GYPB: variants seen among roughly 807,000 people sequenced by gnomAD.
The protein encoded by GYPB is glycophorin B (MNS blood group), also known as glycophorin-B.
GYPB carries 13 observed loss-of-function variants against 15.3 expected under a neutral mutation model. The ratio of observed to expected loss-of-function variants is 0.85; its 90% CI spans 0.55 to 1.35. GYPB has a LOEUF of 1.35. Among genes scored for constraint, GYPB ranks in the 40% most tolerant of loss-of-function variants. GYPB has a pLI of 0.00. For missense variants in GYPB, 131 were observed against 108.3 expected (o/e 1.21, Z -0.93); for synonymous variants, 38 against 36.9 (o/e 1.03, Z -0.11).
At chr4:143,997,265 T>C (rs1727372381) in intron 4 of GYPB, 1 of 296,376 alleles carries the variant, frequency 3.4e-6, no homozygotes, top group Non-Finnish European at 6.4e-6. Flanking sequence ...TCAATATCCA[T>C]CAAAATATGT....
intron 1 of GYPB, among the ~76,000 whole-genome samples, chr4:144,013,555 G>C: frequency 6.6e-6 from 1 of 151,212 alleles, no homozygotes; most frequent in East Asian, 1.9e-4. Context: ...TTAAGAAAAT[G>C]TGGCACATTT....
chr4:143,996,505 C>T (rs1389950566), intron 4 of GYPB, among the ~76,000 whole-genome samples: 1 of 151,174 alleles, frequency 6.6e-6, no homozygotes, highest in African/African-American at 2.5e-5. Flanking sequence ...GTGGCTCACA[C>T]CTGTAATCCC....
intron 1 of GYPB, among the ~76,000 whole-genome samples, chr4:144,017,549 A>G (rs1160530103): frequency 1.3e-5 from 2 of 150,972 alleles, no homozygotes; most frequent in Admixed American, 6.6e-5. Context: ...ATCTTGCCCC[A>G]GTGACCTCTT....
At chr4:144,003,123 G>C (rs868806352) in intron 1 of GYPB, among the ~76,000 whole-genome samples, 1 of 151,394 alleles carries the variant, frequency 6.6e-6, no homozygotes, top group Admixed American at 6.6e-5. Flanking sequence ...ACATTTTTAT[G>C]AGTCAATTAA....
chr4:144,008,175 A>G (rs1373190593), intron 1 of GYPB, among the ~76,000 whole-genome samples: 2 of 151,556 alleles, frequency 1.3e-5, no homozygotes, highest in Non-Finnish European at 2.9e-5. Flanking sequence ...CACAGCCGCC[A>G]AGTGGCAGAA....
chr4:144,000,469 T>G (rs1317786699), intron 2 of GYPB: 1 of 1,056,342 alleles, frequency 9.5e-7, no homozygotes, highest in East Asian at 6.2e-5. Context: ...GTCCCGTTTG[T>G]GCTTATCTGC....
chr4:144,000,382 A>G, intron 2 of GYPB: 1 of 938,294 alleles, frequency 1.1e-6, no homozygotes, highest in East Asian at 7.0e-5. Flanking sequence ...TAAGAACATA[A>G]CGTTTTTCTT....
At chr4:144,007,269 G>C (rs1727969094) in intron 1 of GYPB, among the ~76,000 whole-genome samples, 1 of 151,674 alleles carries the variant, frequency 6.6e-6, no homozygotes, top group South Asian at 2.1e-4. Context: ...CTGGAGAAAA[G>C]CGTGGCCTAT....
intron 1 of GYPB, among the ~76,000 whole-genome samples, chr4:144,008,780 T>C (rs1449716306): frequency 6.6e-6 from 1 of 151,448 alleles, no homozygotes; most frequent in Non-Finnish European, 1.5e-5. Context: ...CAATACAAAA[T>C]TGCAGAAATG....
chr4:144,006,816 G>C (rs1727941963), intron 1 of GYPB, among the ~76,000 whole-genome samples: 1 of 151,674 alleles, frequency 6.6e-6, no homozygotes, highest in Non-Finnish European at 1.5e-5. Flanking sequence ...AAATGCATCT[G>C]TGGAAGTTAT....
At chr4:144,016,515 C>T (rs1360033425) in intron 1 of GYPB, among the ~76,000 whole-genome samples, 1 of 150,640 alleles carries the variant, frequency 6.6e-6, no homozygotes, top group Non-Finnish European at 1.5e-5. Flanking sequence ...ACTATAAATA[C>T]CAATCGGGAA....
Position 143,996,304 on chromosome 4 carries a change from C to A in GYPB, c.271G>T (p.Ala91Ser). ...GCAGCATGCAGGCCACATCCTCATG[C>A]CTGTGATAAAAAGACAAGAAGTTTC... is the stretch of plus-strand genomic sequence containing the variant. ...ISYSIRRLIK[A>S] Residue 91 changes from alanine to serine, a missense_variant and splice_region_variant, in exon 5 of 5, where the codon GCA becomes TCA. Coordinates refer to ENST00000502664, the MANE Select transcript of GYPB (RefSeq NM_002100.6). 6.4e-7 allele frequency: 1 copy of A among 1,550,824 alleles called. No homozygotes were observed. The highest frequency in any genetic ancestry group is 1.7e-4 in the Middle Eastern group (1 of 5,984).
intron 1 of GYPB, among the ~76,000 whole-genome samples, chr4:144,004,297 G>T (rs1369218408): frequency 6.6e-6 from 1 of 151,820 alleles, no homozygotes; most frequent in Non-Finnish European, 1.5e-5. Context: ...CCTATAAAAT[G>T]ATCTTTTTCA....
intron 1 of GYPB, 121 bp from the exon 2 acceptor site, chr4:144,001,404 A>G (rs1727620972): frequency 7.2e-6 from 11 of 1,527,902 alleles, no homozygotes; most frequent in South Asian, 2.3e-5. Context: ...GCGCTTTAGT[A>G]TATATCTTAC....
At chr4:144,001,462 T>G (rs1328245522) in intron 1 of GYPB, among the ~76,000 whole-genome samples, 179 bp from the exon 2 acceptor site, 9 of 151,502 alleles carry the variant, frequency 5.9e-5, no homozygotes, top group Non-Finnish European at 1.2e-4. Context: ...TTATTGGCCT[T>G]ATTTTAAAAT....
intron 1 of GYPB, among the ~76,000 whole-genome samples, chr4:144,007,807 T>C (rs1204531600): frequency 2.0e-5 from 3 of 151,200 alleles, no homozygotes; most frequent in Non-Finnish European, 4.4e-5. Flanking sequence ...TTAAAAAAAG[T>C]TTTGCTTTTT....
intron 3 of GYPB, among the ~76,000 whole-genome samples, chr4:143,998,035 C>T (rs1268720625): frequency 6.6e-6 from 1 of 151,296 alleles, no homozygotes; most frequent in African/African-American, 2.5e-5. Context: ...TATAAAAGAG[C>T]ATTGAACAGA....
rs1727497089 is a variant in GYPB at position 143,999,409 on chromosome 4, A to T, written c.175+2T>A. ...TTTATTCTTTGTCAAATATTAACAT[A>T]CCTGGTACAGTGAAACGATGGACAA... On this transcript the variant is annotated splice_donor_variant, in intron 3 of 4. Coordinates refer to ENST00000502664, the MANE Select transcript of GYPB (RefSeq NM_002100.6). LOFTEE classifies it high-confidence loss of function. The T allele has an allele frequency of 1.3e-6, 2 of 1,506,810 alleles. No homozygotes were observed. Among genetic ancestry groups the T allele is most frequent in the Non-Finnish European group, 1.8e-6 (2 of 1,088,230 alleles). 93.3% of individuals were successfully genotyped at this position (1,506,810 alleles called of 1,614,324 possible). A position where few individuals can be genotyped will look rare whatever the true frequency, so the allele number is the denominator to read the frequency against.
Position 143,999,311 on chromosome 4 carries a change from T to G in GYPB, c.175+100A>C, listed in dbSNP as rs555183307. The G allele has an allele frequency of 3.2e-5, 22 of 684,020 alleles. No individual in the cohort carries two copies. In the East Asian group the frequency reaches 6.1e-4, roughly 19 times the overall value. 42.4% of individuals were successfully genotyped at this position (684,020 alleles called of 1,614,324 possible). On this transcript the variant is annotated intron_variant, in intron 3 of 4. Transcript: ENST00000502664. ...TGTGAATAAAGTTAACAACATATGC[T>G]CTTCTGTTTTAAGATAGACACATTT...
Sources: allele counts gnomAD v4.1 joint callset (sites outside exome capture counted in the v4.1 genomes callset), GRCh38; gene constraint gnomAD v4.1.1; transcripts MANE v1.5; gene names NCBI Gene and HGNC (gene_info 2026-07-23, HGNC 2026-07-21).